Variants in LCOR observed in about 807,000 individuals in gnomAD.
LCOR encodes the protein ligand-dependent corepressor.
LCOR carries 14 observed loss-of-function variants against 64.4 expected under a neutral mutation model. The observed-to-expected ratio is 0.22, with a 90% CI of 0.14 to 0.34. The LOEUF is 0.34. Ranked by LOEUF, LCOR falls within the 10% of genes least tolerant of loss-of-function variation. The pLI, the probability that LCOR is intolerant of heterozygous loss-of-function variation, is 1.00. For synonymous variants in LCOR, 643 were observed against 642.5 expected (o/e 1.00, Z -0.01); for missense variants, 1,686 against 1,765.3 (o/e 0.96, Z 0.80).
rs1352187260 is a variant in LCOR at position 96,988,881 on chromosome 10, G to A, written c.*3747G>A. The A allele has an allele frequency of 6.6e-6, 1 of 152,148 alleles. No homozygotes were observed. The highest frequency in any genetic ancestry group is 2.4e-5 in the African/African-American group (1 of 41,426). 9.4% of individuals were successfully genotyped at this position (152,148 alleles called of 1,614,324 possible). A position where few individuals can be genotyped will look rare whatever the true frequency, so the allele number is the denominator to read the frequency against. ...ACCCATTTTCTTAAGTTCTGTCTGC[G>A]GCTGCTTTCGCACTGCAAGAGCAGA... is the stretch of plus-strand genomic sequence containing the variant. On this transcript the variant is annotated 3_prime_UTR_variant, in exon 8 of 8. Coordinates refer to ENST00000421806, the MANE Select transcript of LCOR (RefSeq NM_001346516.2).
rs757135173 is a variant in LCOR, at chr10:96,991,954, G to A, written c.*6820G>A. 1 of 152,156 alleles carries A rather than the reference G, an allele frequency of 6.6e-6. No homozygotes were observed. The highest frequency in any genetic ancestry group is 1.5e-5 in the Non-Finnish European group (1 of 68,034). The allele number at this position is 152,156 out of a possible 1,614,324, so 9.4% of individuals were successfully genotyped here. On this transcript the variant is annotated 3_prime_UTR_variant, in exon 8 of 8. Coordinates refer to ENST00000421806, the MANE Select transcript of LCOR (RefSeq NM_001346516.2). Reference sequence around the variant, plus strand: ...CAAAACTCTTTTCCTCTAGTATTTAGTTGTTGGGTTTAAATGCTATTCAAT... The same window carrying A: ...CAAAACTCTTTTCCTCTAGTATTTAATTGTTGGGTTTAAATGCTATTCAAT...
chr10:96,951,973 C>G lies in LCOR; in HGVS notation c.239-130C>G, dbSNP rs1847688214. 6.6e-6 allele frequency: 4 copies of G among 606,254 alleles called. No individual in the cohort carries two copies. The East Asian group carries it at 8.4e-5, about 13-fold the overall frequency. The allele number at this position is 606,254 out of a possible 1,614,324, so 37.6% of individuals were successfully genotyped here. A position where few individuals can be genotyped will look rare whatever the true frequency, so the allele number is the denominator to read the frequency against. On this transcript the variant is annotated intron_variant, in intron 6 of 7. Coordinates refer to ENST00000421806, the MANE Select transcript of LCOR (RefSeq NM_001346516.2). The stretch of plus-strand genomic sequence containing the variant: ...CTTCAGGATTTAATTGATTTTATAA[C>G]TCAAATATATGACTAGCATATCTGC...
intron 2 of LCOR, among the ~76,000 whole-genome samples, chr10:96,843,720 T>C (rs1845580199): frequency 6.6e-6 from 1 of 152,230 alleles, no homozygotes; most frequent in Admixed American, 6.5e-5. Flanking sequence ...TGAATTATTT[T>C]GGAGCAAATT....
intron 7 of LCOR, among the ~76,000 whole-genome samples, chr10:96,974,904 C>T (rs1472724797): frequency 6.6e-6 from 1 of 152,218 alleles, no homozygotes; most frequent in Non-Finnish European, 1.5e-5. Context: ...TGCTGTGGCT[C>T]ACACCTGTAA....
chr10:96,863,490 T>A (rs1355253907), intron 2 of LCOR, among the ~76,000 whole-genome samples: 1 of 152,128 alleles, frequency 6.6e-6, no homozygotes, highest in African/African-American at 2.4e-5. Flanking sequence ...AGGTGTGAGC[T>A]ACCATGCCTG....
rs1322202517 is a variant in LCOR at position 96,993,149 on chromosome 10, A to T, written c.*8015A>T. On this transcript the variant is annotated 3_prime_UTR_variant, in exon 8 of 8. Coordinates refer to ENST00000421806, the MANE Select transcript of LCOR (RefSeq NM_001346516.2). ...CCCTGTCCTTCGGCACCCCCATGTT[A>T]GTCATGATCCTCATTGTGCAGGGCT... 6.6e-6 allele frequency: 1 copy of T among 152,210 alleles called. No individual in the cohort carries two copies. Among genetic ancestry groups the T allele is most frequent in the Non-Finnish European group, 1.5e-5 (1 of 68,058 alleles). 9.4% of individuals were successfully genotyped at this position (152,210 alleles called of 1,614,324 possible).
chr10:96,852,211 A>AT (rs1459912569), intron 2 of LCOR, among the ~76,000 whole-genome samples: 7 of 152,196 alleles, frequency 4.6e-5, no homozygotes, highest in African/African-American at 1.4e-4. Context: ...GAGCCCAGGA[A>AT]TTTGAGACCA....
At position 96,985,744 on chromosome 10, in the gene LCOR, T is replaced by A. The variant is rs1848143932; in HGVS notation, c.*610T>A. On this transcript the variant is annotated 3_prime_UTR_variant, in exon 8 of 8. Coordinates refer to ENST00000421806, the MANE Select transcript of LCOR (RefSeq NM_001346516.2). ...TACCCCCTTTTAAAAAAGATCATGT[T>A]CATTGTTGGTCCCTCCTCTCACCTT... 1 of 167,064 alleles carries A rather than the reference T, an allele frequency of 6.0e-6. No homozygotes were observed. Among genetic ancestry groups the A allele is most frequent in the African/African-American group, 2.4e-5 (1 of 41,580 alleles). 10.3% of individuals were successfully genotyped at this position (167,064 alleles called of 1,614,324 possible).
In LCOR at chr10:96,982,823, C is replaced by T. The variant is rs772778243; in HGVS notation, c.2363C>T (p.Thr788Met). ...GTAAAATGCCTGTCAGAAAAAGACA[C>T]GTATGATACAAGCATTGACTCACTC... is the stretch of plus-strand genomic sequence containing the variant. ...GDVKCLSEKD[T>M]YDTSIDSLEE... Residue 788 changes from threonine (T) to methionine (M), a missense_variant, in exon 8 of 8, where the codon ACG (threonine) becomes ATG (methionine). Coordinates refer to ENST00000421806, the MANE Select transcript of LCOR (RefSeq NM_001346516.2). 27 of 1,613,878 alleles carry T rather than the reference C, an allele frequency of 1.7e-5. No individual in the cohort carries two copies. The highest frequency in any genetic ancestry group is 9.9e-5 in the South Asian group (9 of 91,080).
chr10:96,993,929 T>TG lies in LCOR; in HGVS notation c.*8800dup, dbSNP rs1225497708. 2.0e-5 allele frequency: 3 copies of TG among 151,620 alleles called. No individual in the cohort carries two copies. The highest frequency in any genetic ancestry group is 7.3e-5 in the African/African-American group (3 of 41,232). The allele number at this position is 151,620 out of a possible 1,614,324, so 9.4% of individuals were successfully genotyped here. The stretch of plus-strand genomic sequence containing the variant: ...TTGGCCCTTGTCTCAGAGGATAGGG[T>TG]GGGGGTAGAACAGCTCTTGCTAAGA... On this transcript the variant is annotated 3_prime_UTR_variant, in exon 8 of 8. Coordinates refer to ENST00000421806, the MANE Select transcript of LCOR (RefSeq NM_001346516.2).
intron 2 of LCOR, among the ~76,000 whole-genome samples, chr10:96,868,744 T>C (rs1846020948): frequency 2.0e-5 from 3 of 152,224 alleles, no homozygotes; most frequent in Admixed American, 2.0e-4. Context: ...TTTAATTTTG[T>C]ATTTATAACC....
chr10:96,944,259 A>G lies in LCOR; in HGVS notation c.-51+14A>G, dbSNP rs1319642240. 1.0e-6 allele frequency: 1 copy of G among 984,336 alleles called. No individual in the cohort carries two copies. Among genetic ancestry groups the G allele is most frequent in the Non-Finnish European group, 1.2e-6 (1 of 828,744 alleles). 61.0% of individuals were successfully genotyped at this position (984,336 alleles called of 1,614,324 possible). The stretch of plus-strand genomic sequence containing the variant: ...TTTATAGAAAAGGTTGGTTTCAGTG[A>G]AGATGATATTTAGCATCTGCTTGTC... On this transcript the variant is annotated intron_variant, in intron 5 of 7. Coordinates refer to ENST00000421806, the MANE Select transcript of LCOR (RefSeq NM_001346516.2).
intron 2 of LCOR, among the ~76,000 whole-genome samples, chr10:96,870,489 T>A (rs946502248): frequency 6.6e-6 from 1 of 152,252 alleles, no homozygotes; most frequent in Non-Finnish European, 1.5e-5. Context: ...ATTTCTCATG[T>A]GTTGTCAATT....
At chr10:96,865,531 A>G (rs993815080) in intron 2 of LCOR, among the ~76,000 whole-genome samples, 1 of 130,428 alleles carries the variant, frequency 7.7e-6, no homozygotes, top group African/African-American at 3.7e-5. Flanking sequence ...AATGTACAGT[A>G]GTTATGACAG....
chr10:96,897,469 G>A (rs1846558833), intron 2 of LCOR, among the ~76,000 whole-genome samples: 1 of 152,176 alleles, frequency 6.6e-6, no homozygotes, highest in Non-Finnish European at 1.5e-5. Context: ...TAGACAGTTT[G>A]ATATACTAGA....
At chr10:96,887,316 C>T (rs576326625) in intron 2 of LCOR, among the ~76,000 whole-genome samples, 11 of 152,104 alleles carry the variant, frequency 7.2e-5, no homozygotes, top group Non-Finnish European at 1.3e-4. Context: ...GCTTGTAATC[C>T]CAGCACTTTG....
intron 4 of LCOR, among the ~76,000 whole-genome samples, chr10:96,921,156 A>G (rs533316543): frequency 1.1e-3 from 161 of 152,014 alleles, no homozygotes; most frequent in Non-Finnish European, 1.8e-3. Flanking sequence ...TTAACCCCAT[A>G]TCAGATATAT....
intron 4 of LCOR, among the ~76,000 whole-genome samples, chr10:96,908,950 T>C (rs1482713397): frequency 2.6e-5 from 4 of 151,948 alleles, no homozygotes; most frequent in Admixed American, 1.3e-4. Context: ...CTCCTGACCT[T>C]GTGATCCGCC....
intron 2 of LCOR, among the ~76,000 whole-genome samples, chr10:96,902,633 A>C (rs535140614): frequency 3.6e-4 from 55 of 152,302 alleles, no homozygotes; most frequent in African/African-American, 1.2e-3. Flanking sequence ...TTACTATTGC[A>C]CCAACCCAAT....
Sources: gnomAD v4.1 joint callset for allele counts (sites outside exome capture counted in the v4.1 genomes callset) on GRCh38, gnomAD v4.1.1 for gene constraint, MANE v1.5 for transcripts, NCBI Gene and HGNC (gene_info 2026-07-23, HGNC 2026-07-21) for gene names.